The following ATAD2 variants were observed in gnomAD, a reference collection of about 807,000 sequenced individuals.
ATAD2 encodes ATPase family AAA domain-containing protein 2.
ATAD2 carries 62 observed loss-of-function variants against 168.9 expected under a neutral mutation model. The observed-to-expected ratio is 0.37, with a 90% CI of 0.30 to 0.45. The LOEUF is 0.45. Among genes scored for constraint, ATAD2 ranks in the 20% least tolerant of loss-of-function variants. The probability of loss-of-function intolerance (pLI) is 1.00; values close to 1 mark genes in which losing one functional copy is unlikely to be tolerated. For synonymous variants in ATAD2, 613 were observed against 571.6 expected (o/e 1.07, Z -1.03); for missense variants, 1,419 against 1,667.8 (o/e 0.85, Z 2.60).
rs538863642 is a variant in ATAD2 at position 123,357,552 on chromosome 8, A to C, written c.1557+10T>G. On this transcript the variant is annotated intron_variant, in intron 12 of 27. Coordinates refer to ENST00000287394, the MANE Select transcript of ATAD2 (RefSeq NM_014109.4). The stretch of plus-strand genomic sequence containing the variant: ...GAACTATCCAGATATATAAAATGTT[A>C]ATATCATACCTGATCAAACAGCAAT... 20 of 1,604,702 alleles carry C rather than the reference A, an allele frequency of 1.2e-5. 1 individual carries two copies. The South Asian group carries it at 2.0e-4, about 16-fold the overall frequency.
chr8:123,385,199 C>T (rs1014662139), intron 1 of ATAD2, among the ~76,000 whole-genome samples: 1 of 152,068 alleles, frequency 6.6e-6, no homozygotes, highest in Non-Finnish European at 1.5e-5. Flanking sequence ...CATGCTAACA[C>T]TGACTGTCTT....
At chr8:123,400,304 G>A (rs1812977934), upstream of ATAD2, among the ~76,000 whole-genome samples, 1 of 152,184 alleles carries the variant, frequency 6.6e-6, no homozygotes, top group Admixed American at 6.6e-5. The surrounding 1 kb of genome is among the most constrained non-coding windows in gnomAD (Gnocchi z 4.5). Context: ...AAGGCCCTGA[G>A]GTAGGAAGTC....
At chr8:123,333,844 T>C in intron 24 of ATAD2, 34 bp downstream of exon 24, 5 of 1,557,102 alleles carry the variant, frequency 3.2e-6, no homozygotes, top group Non-Finnish European at 4.3e-6. Context: ...AATAAAGTTA[T>C]AATTTCATAA....
chr8:123,359,666 G>A lies in ATAD2; in HGVS notation c.1177C>T (p.Arg393Trp), dbSNP rs1404857864. Residue 393 changes from arginine (R) to tryptophan (W), a missense_variant, in exon 10 of 28, where the codon CGG becomes TGG. Transcript: ENST00000287394. ...TAAATGCCTTTTAATTCATCTTTCCGAAAATTTAGTGGGAGGCACCTATTT... is the reference window on the plus strand; with the variant it reads ...TAAATGCCTTTTAATTCATCTTTCCAAAAATTTAGTGGGAGGCACCTATTT... ...AINRCLPLNFRKDELKGIYKD... is the reference protein window; with the variant it reads ...AINRCLPLNFWKDELKGIYKD... The A allele has an allele frequency of 2.6e-5, 42 of 1,611,592 alleles. No homozygotes were observed. The highest frequency in any genetic ancestry group is 3.5e-5 in the Non-Finnish European group (41 of 1,179,180).
chr8:123,366,484 C>T (rs535899950), intron 8 of ATAD2, among the ~76,000 whole-genome samples: 13 of 152,244 alleles, frequency 8.5e-5, no homozygotes, highest in African/African-American at 2.9e-4. Context: ...CAGCACAATT[C>T]GCAATTGCAA....
intron 1 of ATAD2, among the ~76,000 whole-genome samples, chr8:123,409,352 G>A (rs1813118886): frequency 6.6e-6 from 1 of 152,140 alleles, no homozygotes; most frequent in South Asian, 2.1e-4. Context: ...TACCCTCTGA[G>A]TTCACATAGT....
chr8:123,390,582 T>A (rs996190486), intron 1 of ATAD2, among the ~76,000 whole-genome samples: 1 of 152,210 alleles, frequency 6.6e-6, no homozygotes, highest in African/African-American at 2.4e-5. Context: ...ATGCTTTAAG[T>A]TTTTAAAATC....
chr8:123,407,390 T>G lies in ATAD2; in HGVS notation c.-2281-6215A>C, dbSNP rs144108536. On this transcript the variant is annotated intron_variant, in intron 1 of 28. Transcript: ENST00000521903. ...GTTCTATCTTTTCTAATCTTAACTA[T>G]TCTAGTTAGGAGTGACTTGATTTAG... 3.3e-5 allele frequency among the ~76,000 whole-genome samples: 5 copies of G among 152,336 alleles called. No homozygotes were observed. In the East Asian group the frequency reaches 9.6e-4, roughly 29 times the overall value.
At position 123,371,318 on chromosome 8, in the gene ATAD2, TG is replaced by T; in HGVS notation, c.556del (p.Gln186LysfsTer6). The T allele has an allele frequency of 6.2e-7, 1 of 1,608,424 alleles. No homozygotes were observed. The highest frequency in any genetic ancestry group is 8.5e-7 in the Non-Finnish European group (1 of 1,177,804). ...CATCTTCTTCATGTCATCCATTTTTTGAAGTACAGCTTCAGCAGTGCTTTAA... is the reference window on the plus strand; with the variant it reads ...CATCTTCTTCATGTCATCCATTTTTTAAGTACAGCTTCAGCAGTGCTTTAA... Reference protein sequence around the residue: ...LITNTAEAVLQKMDDMKKMRR... With the variant: ...LITNTAEAVLXKMDDMKKMRR... On this transcript the variant is annotated frameshift_variant, in exon 5 of 28. Transcript: ENST00000287394. LOFTEE classifies it high-confidence loss of function.
intron 8 of ATAD2, among the ~76,000 whole-genome samples, chr8:123,363,949 A>G (rs1451490936): frequency 6.6e-6 from 1 of 152,204 alleles, no homozygotes; most frequent in African/African-American, 2.4e-5. Context: ...CATTCTATAC[A>G]TTACTATACT....
In ATAD2 at chr8:123,339,382, TC is replaced by T; in HGVS notation, c.2782del (p.Glu928AsnfsTer9). 6.2e-7 allele frequency: 1 copy of T among 1,603,194 alleles called. No individual in the cohort carries two copies. Among genetic ancestry groups the T allele is most frequent in the Non-Finnish European group, 8.5e-7 (1 of 1,173,976 alleles). On this transcript the variant is annotated frameshift_variant, in exon 20 of 28. Transcript: ENST00000287394. LOFTEE classifies it high-confidence loss of function. ...TAAATCTTCAAAAAATTTTGTCCGT[TC>T]TTCTTTATCCGGTAACTGGACATTA... The part of the protein sequence containing the change: ...IFNVQLPDKE[E>X]RTKFFEDLIL...
intron 2 of ATAD2, among the ~76,000 whole-genome samples, chr8:123,379,507 A>G (rs917714234): frequency 1.3e-5 from 2 of 152,120 alleles, no homozygotes; most frequent in Non-Finnish European, 1.5e-5. Context: ...AGCTGTACTC[A>G]TATGTATCAC....
chr8:123,353,646 C>T (rs578006781), intron 13 of ATAD2, among the ~76,000 whole-genome samples: 113 of 152,054 alleles, frequency 7.4e-4, no homozygotes, highest in Non-Finnish European at 1.4e-3. Context: ...TGTTACAATC[C>T]GCCATCTCTC....
intron 2 of ATAD2, among the ~76,000 whole-genome samples, chr8:123,376,271 T>C (rs953488960): frequency 2.0e-5 from 3 of 151,854 alleles, no homozygotes; most frequent in Non-Finnish European, 2.9e-5. Flanking sequence ...CTGGATGTGG[T>C]GGCGGTTGCC....
intron 1 of ATAD2, among the ~76,000 whole-genome samples, chr8:123,414,061 C>T (rs1813202809): frequency 7.8e-6 from 1 of 128,278 alleles, no homozygotes; most frequent in Non-Finnish European, 1.6e-5. Flanking sequence ...CACAGCACTC[C>T]AGCCTGGGCG....
At chr8:123,347,523 A>G in intron 15 of ATAD2, 117 bp from the exon 16 acceptor site, 1 of 1,049,184 alleles carries the variant, frequency 9.5e-7, no homozygotes. Context: ...GAATATAGTT[A>G]GCAAATATTT....
intron 20 of ATAD2, 85 bp downstream of exon 20, chr8:123,339,226 T>C: frequency 1.7e-6 from 2 of 1,199,802 alleles, no homozygotes; most frequent in Non-Finnish European, 2.3e-6. Context: ...TGAGCTTGTG[T>C]TATCAGATAC....
chr8:123,324,967 T>A (rs1827568718), intron 26 of ATAD2, among the ~76,000 whole-genome samples: 1 of 152,020 alleles, frequency 6.6e-6, no homozygotes, highest in Admixed American at 6.5e-5. Flanking sequence ...CCTAGCATTT[T>A]GGGAGGCTGA....
rs748732482 is a variant in ATAD2 at position 123,325,873 on chromosome 8, T to C, written c.4002+20A>G. On this transcript the variant is annotated intron_variant, in intron 26 of 27. Transcript: ENST00000287394. ...TTAGTAATCTGCAGAGTAAAAGCAT[T>C]ATGATTTCAATTTACATACTTTTAA... is the stretch of plus-strand genomic sequence containing the variant. 1 of 1,612,622 alleles carries C rather than the reference T, an allele frequency of 6.2e-7. No homozygotes were observed. Among genetic ancestry groups the C allele is most frequent in the East Asian group, 2.2e-5 (1 of 44,864 alleles).
Sources: gnomAD v4.1 joint callset for allele counts (sites outside exome capture counted in the v4.1 genomes callset) on GRCh38, gnomAD v4.1.1 for gene constraint, Gnocchi (gnomAD v3.1) non-coding constraint, MANE v1.5 for transcripts, NCBI Gene and HGNC (gene_info 2026-07-23, HGNC 2026-07-21) for gene names.